Variants in ABCA3 observed in about 807,000 individuals in gnomAD.
The protein encoded by ABCA3 is phospholipid-transporting ATPase ABCA3.
In ABCA3, 88 loss-of-function variants were observed where a neutral mutation model predicts 172.8. That is an observed-to-expected ratio of 0.51 (90% confidence interval 0.43 to 0.61). ABCA3 has a LOEUF of 0.61. ABCA3 is among the 20% of genes least tolerant of loss of function. The probability of loss-of-function intolerance (pLI) is 0.00; values close to 1 mark genes in which losing one functional copy is unlikely to be tolerated. For synonymous variants in ABCA3, 1,066 were observed against 983.8 expected (o/e 1.08, Z -1.56); for missense variants, 2,164 against 2,301.0 (o/e 0.94, Z 1.22).
At position 2,328,624 on chromosome 16, in the gene ABCA3, C is replaced by T; in HGVS notation, c.-198G>A. ...GGAGGAGGGGCAGTCTAGAGAGCCC[C>T]TGGTGCTGGTCCACTCGCTACAACT... On this transcript the variant is annotated 5_prime_UTR_variant, in exon 3 of 33. Transcript: ENST00000301732. 1 of 505,380 alleles carries T rather than the reference C, an allele frequency of 2.0e-6. No homozygotes were observed. The allele number at this position is 505,380 out of a possible 1,614,324, so 31.3% of individuals were successfully genotyped here.
Position 2,300,565 on chromosome 16 carries a change from T to C in ABCA3, c.1468-417A>G, listed in dbSNP as rs952548259. ...CTCAAGCCCCACATGAGTTCATGAC[T>C]GTAAGCAAGAGAAGCCGAAGGCGCC... On this transcript the variant is annotated intron_variant, in intron 12 of 32. Transcript: ENST00000301732. Among the ~76,000 whole-genome samples, 4 of 152,198 alleles carry C rather than the reference T, an allele frequency of 2.6e-5. No homozygotes were observed. The East Asian group carries it at 7.7e-4, about 29-fold the overall frequency.
intron 1 of ABCA3, among the ~76,000 whole-genome samples, chr16:2,330,563 G>C (rs897729780): frequency 6.6e-6 from 1 of 151,672 alleles, no homozygotes; most frequent in Admixed American, 6.6e-5. Flanking sequence ...CAAGTGATCC[G>C]CCGACCTTGG....
In ABCA3 at chr16:2,277,536, C is replaced by A. The variant is rs2093648326; in HGVS notation, c.4983+61G>T. The A allele has an allele frequency of 2.6e-6, 4 of 1,548,016 alleles. No individual in the cohort carries two copies. The highest frequency in any genetic ancestry group is 3.6e-6 in the Non-Finnish European group (4 of 1,125,420). ...CCTGCAGTCACCACAGAGGGAGAGA[C>A]CCCTGGAGGGACCTCCCCCTGCCCC... On this transcript the variant is annotated intron_variant, in intron 32 of 32. Coordinates refer to ENST00000301732, the MANE Select transcript of ABCA3 (RefSeq NM_001089.3). This position sits in a 1 kb window ranked among gnomAD's most constrained non-coding sequence, Gnocchi z 5.3.
rs1214626891 is a variant in ABCA3, at chr16:2,278,991, C to T, written c.4499G>A (p.Arg1500Gln). 21 of 1,613,434 alleles carry T rather than the reference C, an allele frequency of 1.3e-5. No homozygotes were observed. The highest frequency in any genetic ancestry group is 2.2e-5 in the East Asian group (1 of 44,896). Residue 1500 changes from arginine to glutamine, a missense_variant, in exon 29 of 33, where the codon CGG (arginine) becomes CAG (glutamine). Physicochemically the swap from Arg to Gln is conservative, Grantham distance 43. Around this residue, in one of 3 missense-constraint regions of ABCA3, gnomAD observed 795 missense variants for 881.9 expected, o/e 0.90. Transcript: ENST00000301732. The surrounding 1 kb of genome is among the most constrained non-coding windows in gnomAD (Gnocchi z 4.4). ...GGCATGTGGCTCCAGCAGCAGGCCC[C>T]GCAGAGTGTTCTCCACGCAGGCCCC... is the stretch of plus-strand genomic sequence containing the variant. ...HIGACVENTLRGLLLEPHANK... is the reference protein window; with the variant it reads ...HIGACVENTLQGLLLEPHANK...
rs763879271 is a variant in ABCA3 at position 2,287,221 on chromosome 16, A to C, written c.3005-254T>G. On this transcript the variant is annotated intron_variant, in intron 21 of 32. Coordinates refer to ENST00000301732, the MANE Select transcript of ABCA3 (RefSeq NM_001089.3). This position sits in a 1 kb window ranked among gnomAD's most constrained non-coding sequence, Gnocchi z 4.1. Reference sequence around the variant, plus strand: ...ATAAGAAAACCTTCCAGTAGGTTCCATTAACCAGAGCACGGTCCCTGTTCT... The same window carrying C: ...ATAAGAAAACCTTCCAGTAGGTTCCCTTAACCAGAGCACGGTCCCTGTTCT... 2.0e-5 allele frequency among the ~76,000 whole-genome samples: 3 copies of C among 152,158 alleles called. No homozygotes were observed. The highest frequency in any genetic ancestry group is 2.9e-5 in the Non-Finnish European group (2 of 68,014).
intron 1 of ABCA3, among the ~76,000 whole-genome samples, chr16:2,340,169 A>T (rs2093758366): frequency 6.6e-6 from 1 of 152,128 alleles, no homozygotes; most frequent in Admixed American, 6.5e-5. Context: ...TGCGCGGCGG[A>T]CGCCTGCATC....
chr16:2,317,560 C>T, intron 9 of ABCA3, 88 bp downstream of exon 9: 1 of 1,588,098 alleles, frequency 6.3e-7, no homozygotes, highest in East Asian at 2.2e-5. Context: ...TCTGAAGTCT[C>T]TGACCACAAA....
Position 2,275,951 on chromosome 16 carries a change from C to A in ABCA3, c.*723G>T, listed in dbSNP as rs1596824977. On this transcript the variant is annotated 3_prime_UTR_variant, in exon 33 of 33. Transcript: ENST00000301732. ...ATGTGTCCTTGAGACAGCCACCCAGCCCTTAGGGTGGTCCCTGCGTGTCCT... is the reference window on the plus strand; with the variant it reads ...ATGTGTCCTTGAGACAGCCACCCAGACCTTAGGGTGGTCCCTGCGTGTCCT... 1 of 206,700 alleles carries A rather than the reference C, an allele frequency of 4.8e-6. No individual in the cohort carries two copies. The highest frequency in any genetic ancestry group is 9.9e-6 in the Non-Finnish European group (1 of 100,662). 12.8% of individuals were successfully genotyped at this position (206,700 alleles called of 1,614,324 possible).
chr16:2,316,473 C>G (rs1248350474), intron 10 of ABCA3, among the ~76,000 whole-genome samples: 1 of 117,348 alleles, frequency 8.5e-6, no homozygotes. Context: ...GGCAAAACCC[C>G]GTCTCTACTA....
Position 2,285,129 on chromosome 16 carries a change from A to G in ABCA3, c.3484-131T>C. On this transcript the variant is annotated intron_variant, in intron 23 of 32. Transcript: ENST00000301732. The surrounding 1 kb of genome is among the most constrained non-coding windows in gnomAD (Gnocchi z 4.7). ...CAGCTGGCCCATGTCCATCAGCCCC[A>G]CAGGCCACGTCTGGCCCCCGCGGTG... 9.3e-7 allele frequency: 1 copy of G among 1,071,286 alleles called. No individual in the cohort carries two copies. Among genetic ancestry groups the G allele is most frequent in the Non-Finnish European group, 1.4e-6 (1 of 725,440 alleles). The allele number at this position is 1,071,286 out of a possible 1,614,324, so 66.4% of individuals were successfully genotyped here.
rs1425221617 is a variant in ABCA3 at position 2,328,484 on chromosome 16, C to G, written c.-58G>C. The G allele has an allele frequency of 2.0e-6, 1 of 510,646 alleles. No homozygotes were observed. Among genetic ancestry groups the G allele is most frequent in the Non-Finnish European group, 3.9e-6 (1 of 256,258 alleles). 31.6% of individuals were successfully genotyped at this position (510,646 alleles called of 1,614,324 possible). A position where few individuals can be genotyped will look rare whatever the true frequency, so the allele number is the denominator to read the frequency against. ...GAGAAGTAGGTGGTCTGAGTAAGTT[C>G]AAGTAGGCGCTGCAACCCGCAGGAA... On this transcript the variant is annotated 5_prime_UTR_variant, in exon 3 of 33. Transcript: ENST00000301732.
At chr16:2,325,062 T>G (rs565525624) in intron 5 of ABCA3, among the ~76,000 whole-genome samples, 4 of 152,154 alleles carry the variant, frequency 2.6e-5, no homozygotes, top group African/African-American at 9.6e-5. Flanking sequence ...AATGCCCAAA[T>G]GAGGAGGGGA....
At position 2,326,486 on chromosome 16, in the gene ABCA3, C is replaced by T; in HGVS notation, c.-20G>A. The T allele has an allele frequency of 1.2e-6, 2 of 1,604,606 alleles. No individual in the cohort carries two copies. The highest frequency in any genetic ancestry group is 1.7e-6 in the Non-Finnish European group (2 of 1,175,188). On this transcript the variant is annotated 5_prime_UTR_variant, in exon 4 of 33. Coordinates refer to ENST00000301732, the MANE Select transcript of ABCA3 (RefSeq NM_001089.3). ...AGCCATCGTCTTGCTGAAAGGGACG[C>T]CCAGTGCTAGTTACAGACCAAAGAC... is the stretch of plus-strand genomic sequence containing the variant.
In ABCA3 at chr16:2,326,480, G is replaced by A; in HGVS notation, c.-14C>T. On this transcript the variant is annotated 5_prime_UTR_variant, in exon 4 of 33. Transcript: ENST00000301732. ...GAGCACAGCCATCGTCTTGCTGAAA[G>A]GGACGCCCAGTGCTAGTTACAGACC... 6.8e-6 allele frequency: 11 copies of A among 1,606,894 alleles called. No individual in the cohort carries two copies. Among genetic ancestry groups the A allele is most frequent in the Non-Finnish European group, 9.4e-6 (11 of 1,176,406 alleles).
In ABCA3 at chr16:2,277,457, G is replaced by GT; in HGVS notation, c.4983+139dup. 1 of 871,744 alleles carries GT rather than the reference G, an allele frequency of 1.1e-6. No individual in the cohort carries two copies. The highest frequency in any genetic ancestry group is 1.8e-6 in the Non-Finnish European group (1 of 541,026). 54.0% of individuals were successfully genotyped at this position (871,744 alleles called of 1,614,324 possible). On this transcript the variant is annotated intron_variant, in intron 32 of 32. Coordinates refer to ENST00000301732, the MANE Select transcript of ABCA3 (RefSeq NM_001089.3). This position sits in a 1 kb window ranked among gnomAD's most constrained non-coding sequence, Gnocchi z 5.3. The stretch of plus-strand genomic sequence containing the variant: ...GGATATAAAACCCCCAAACCAGCAC[G>GT]TATCAGGCTGAGTGTTAGGGGAGAA...
rs1319942707 is a variant in ABCA3 at position 2,277,099 on chromosome 16, T to C, written c.4984-294A>G. Among the ~76,000 whole-genome samples the C allele has an allele frequency of 6.6e-6, 1 of 152,128 alleles. No individual in the cohort carries two copies. Among genetic ancestry groups the C allele is most frequent in the African/African-American group, 2.4e-5 (1 of 41,404 alleles). On this transcript the variant is annotated intron_variant, in intron 32 of 32. Transcript: ENST00000301732. The surrounding 1 kb of genome is among the most constrained non-coding windows in gnomAD (Gnocchi z 5.3). ...TCCCTTTCTGAGCCAGTTCTTTTTT[T>C]CCCCCATATTTTTTTAGAGAGAGTC...
At chr16:2,302,285 C>A (rs999120825) in intron 12 of ABCA3, among the ~76,000 whole-genome samples, 1 of 152,208 alleles carries the variant, frequency 6.6e-6, no homozygotes, top group South Asian at 2.1e-4. Context: ...GTCTCCCCGA[C>A]CGAGCTGGTC....
chr16:2,307,495 G>C (rs994835388), intron 11 of ABCA3, among the ~76,000 whole-genome samples: 1 of 151,966 alleles, frequency 6.6e-6, no homozygotes, highest in South Asian at 2.1e-4. Context: ...CAGAGGTTGA[G>C]ATGAGCCAAG....
Position 2,284,351 on chromosome 16 carries a change from A to T in ABCA3, c.3790T>A (p.Phe1264Ile). ...NHCLGMAVSS[F>I]YENYETRRYC... ...CTCCGCGTCTCGTAGTTCTCGTAGA[A>T]ACTGCTGACTGCCATCCCCAGACAG... Residue 1264 changes from phenylalanine to isoleucine, a missense_variant, in exon 25 of 33, where the codon TTC becomes ATC. By Grantham distance (21) the Phe-to-Ile change is conservative. Around this residue, in one of 3 missense-constraint regions of ABCA3, gnomAD observed 795 missense variants for 881.9 expected, o/e 0.90. Coordinates refer to ENST00000301732, the MANE Select transcript of ABCA3 (RefSeq NM_001089.3). The surrounding 1 kb of genome is among the most constrained non-coding windows in gnomAD (Gnocchi z 5.9). 8 of 1,613,978 alleles carry T rather than the reference A, an allele frequency of 5.0e-6. No homozygotes were observed. Among genetic ancestry groups the T allele is most frequent in the Non-Finnish European group, 6.8e-6 (8 of 1,179,988 alleles).
Sources: allele counts gnomAD v4.1 joint callset (sites outside exome capture counted in the v4.1 genomes callset), GRCh38; gene constraint gnomAD v4.1.1; regional missense constraint gnomAD v4.1.1; non-coding constraint Gnocchi (gnomAD v3.1); transcripts MANE v1.5; gene names NCBI Gene and HGNC (gene_info 2026-07-23, HGNC 2026-07-21).